KLHL18: variants seen among roughly 807,000 people sequenced by gnomAD.
KLHL18 encodes the protein kelch-like protein 18.
A neutral mutation model predicts 58.5 loss-of-function variants in KLHL18; 38 were observed. The ratio of observed to expected loss-of-function variants is 0.65; its 90% confidence interval spans 0.50 to 0.85. KLHL18 has a LOEUF of 0.85. Ranked by LOEUF, KLHL18 falls within the 40% of genes least tolerant of loss-of-function variation. KLHL18 has a pLI of 0.00. For missense variants in KLHL18, 624 were observed against 778.4 expected (o/e 0.80, Z 2.36); for synonymous variants, 303 against 301.9 (o/e 1.00, Z -0.04).
chr3:47,326,826 CAGG>C (rs1423244031), intron 3 of KLHL18, among the ~76,000 whole-genome samples: 1 of 151,646 alleles, frequency 6.6e-6, no homozygotes, highest in Non-Finnish European at 1.5e-5. Context: ...GAGGGTGAGG[CAGG>C]AGAATCGCTT....
Position 47,344,141 on chromosome 3 carries a change from C to A in KLHL18, c.*200C>A. 3.3e-6 allele frequency: 2 copies of A among 611,302 alleles called. No individual in the cohort carries two copies. The highest frequency in any genetic ancestry group is 2.8e-5 in the East Asian group (1 of 35,588). 37.9% of individuals were successfully genotyped at this position (611,302 alleles called of 1,614,324 possible). ...TTCAGGCTTGGGTCATCAAGATGCA[C>A]AGCATGGAACACAAGCTCCTCTGGA... On this transcript the variant is annotated 3_prime_UTR_variant, in exon 10 of 10. Transcript: ENST00000232766.
At position 47,323,874 on chromosome 3, in the gene KLHL18, C is replaced by T. The variant is rs1001471350; in HGVS notation, c.401+1166C>T. Among the ~76,000 whole-genome samples the T allele has an allele frequency of 2.6e-5, 4 of 152,310 alleles. No individual in the cohort carries two copies. In the South Asian group the frequency reaches 8.3e-4, roughly 32 times the overall value. ...CCTCCCCTATTCTCACTCCACCTATCCAGTTCAGTTAGCAGCTTATGGACC... is the reference window on the plus strand; with the variant it reads ...CCTCCCCTATTCTCACTCCACCTATTCAGTTCAGTTAGCAGCTTATGGACC... On this transcript the variant is annotated intron_variant, in intron 3 of 9. Transcript: ENST00000232766.
intron 4 of KLHL18, among the ~76,000 whole-genome samples, chr3:47,330,620 T>G (rs750574963): frequency 1.5e-4 from 23 of 152,106 alleles, no homozygotes; most frequent in Non-Finnish European, 3.1e-4. Context: ...TAAATAGCAT[T>G]CTGTTGATTT....
At chr3:47,318,825 C>T (rs1470528603) in intron 1 of KLHL18, among the ~76,000 whole-genome samples, 3 of 152,126 alleles carry the variant, frequency 2.0e-5, no homozygotes, top group Admixed American at 6.5e-5. Flanking sequence ...TCCAATGATT[C>T]GATCTTCCAA....
chr3:47,320,035 ATT>A (rs546913284), intron 2 of KLHL18, among the ~76,000 whole-genome samples: 43 of 139,452 alleles, frequency 3.1e-4, no homozygotes, highest in Non-Finnish European at 3.6e-4. Flanking sequence ...AGACTCCATG[ATT>A]TTTTTTTTTT....
intron 3 of KLHL18, among the ~76,000 whole-genome samples, chr3:47,326,738 G>C (rs1484878380): frequency 6.6e-6 from 1 of 151,990 alleles, no homozygotes; most frequent in East Asian, 1.9e-4. Context: ...GGCCAACATA[G>C]TGAAACCCCA....
rs1278871970 is a variant in KLHL18 at position 47,333,196 on chromosome 3, G to A, written c.640G>A (p.Glu214Lys). ...AALAWVRYDREQRGPYLPELL... is the reference protein window; with the variant it reads ...AALAWVRYDRKQRGPYLPELL... ...ATTGGCCTGGGTCAGATACGACCGG[G>A]AGCAGAGGGGTCCCTACCTGCCTGA... Residue 214 changes from glutamate to lysine, a missense_variant, in exon 5 of 10, where the codon GAG (glutamate) becomes AAG (lysine). Physicochemically the swap from Glu to Lys is moderately conservative, Grantham distance 56. Coordinates refer to ENST00000232766, the MANE Select transcript of KLHL18 (RefSeq NM_025010.5). 1 of 1,614,130 alleles carries A rather than the reference G, an allele frequency of 6.2e-7. No individual in the cohort carries two copies. The highest frequency in any genetic ancestry group is 1.7e-5 in the Admixed American group (1 of 60,004).
Position 47,334,851 on chromosome 3 carries a change from T to C in KLHL18, c.898+32T>C. On this transcript the variant is annotated intron_variant, in intron 6 of 9. Transcript: ENST00000232766. This position sits in a 1 kb window ranked among gnomAD's most constrained non-coding sequence, Gnocchi z 4.7. ...TGCGGCTCCCCTTTATAGACCCTCCTCTTGGACTCCATGGATGAGGAAGCA... is the reference window on the plus strand; with the variant it reads ...TGCGGCTCCCCTTTATAGACCCTCCCCTTGGACTCCATGGATGAGGAAGCA... 2 of 1,583,950 alleles carry C rather than the reference T, an allele frequency of 1.3e-6. No homozygotes were observed. The highest frequency in any genetic ancestry group is 1.7e-6 in the Non-Finnish European group (2 of 1,163,542).
In KLHL18 at chr3:47,308,258, A is replaced by T. The variant is rs555103203; in HGVS notation, c.130-11395A>T. On this transcript the variant is annotated intron_variant, in intron 1 of 9. Coordinates refer to ENST00000232766, the MANE Select transcript of KLHL18 (RefSeq NM_025010.5). ...GGTGCAGGCATTTATTTTTTTAAAA[A>T]TTTTAGATTTTTAGGGGGTACACGT... Among the ~76,000 whole-genome samples, 8 of 151,782 alleles carry T rather than the reference A, an allele frequency of 5.3e-5. No homozygotes were observed. The East Asian group carries it at 1.5e-3, about 29-fold the overall frequency.
chr3:47,335,134 G>T (rs1202032990), intron 6 of KLHL18, among the ~76,000 whole-genome samples: 2 of 152,156 alleles, frequency 1.3e-5, no homozygotes, highest in Non-Finnish European at 2.9e-5. Flanking sequence ...ACTAGAACTT[G>T]GGTGTTCTGA....
intron 7 of KLHL18, chr3:47,338,069 C>T (rs1704025798): frequency 6.6e-6 from 1 of 152,136 alleles, no homozygotes; most frequent in Admixed American, 6.5e-5. Context: ...TACAGGCTAC[C>T]TTAAAACGTT....
At chr3:47,341,243 C>T (rs1018248967) in intron 8 of KLHL18, among the ~76,000 whole-genome samples, 6 of 152,116 alleles carry the variant, frequency 3.9e-5, no homozygotes, top group South Asian at 2.1e-4. Flanking sequence ...AAGGTTAGCC[C>T]GAGTTTTTCA....
chr3:47,300,245 C>G (rs757123359), intron 1 of KLHL18, among the ~76,000 whole-genome samples: 2 of 147,430 alleles, frequency 1.4e-5, no homozygotes, highest in Admixed American at 6.9e-5. Context: ...AAAACCCTGA[C>G]TAATATGGGT....
chr3:47,291,188 C>G (rs1049826848), intron 1 of KLHL18, among the ~76,000 whole-genome samples: 1 of 152,232 alleles, frequency 6.6e-6, no homozygotes, highest in Non-Finnish European at 1.5e-5. Context: ...AGCTTGTAGG[C>G]TAGTTGATGG....
chr3:47,333,172 T>C lies in KLHL18; in HGVS notation c.616T>C (p.Leu206=). 6.2e-7 allele frequency: 1 copy of C among 1,613,676 alleles called. No homozygotes were observed. The highest frequency in any genetic ancestry group is 8.5e-7 in the Non-Finnish European group (1 of 1,179,780). The change falls in exon 5 of 10, where the codon TTG becomes CTG. Residue 206 remains leucine, a synonymous_variant. Transcript: ENST00000232766. ...CTCATGACAGGTCTTTGAAGCTGCA[T>C]TGGCCTGGGTCAGATACGACCGGGA... ...KSEEQVFEAA[L]AWVRYDREQR...
intron 3 of KLHL18, among the ~76,000 whole-genome samples, chr3:47,327,930 G>A (rs1232047893): frequency 3.9e-5 from 6 of 152,280 alleles, no homozygotes; most frequent in Admixed American, 1.3e-4. Flanking sequence ...AAGCATGCCC[G>A]GCCAATTTTT....
intron 3 of KLHL18, among the ~76,000 whole-genome samples, chr3:47,327,934 A>G (rs561817522): frequency 6.6e-6 from 1 of 152,350 alleles, no homozygotes; most frequent in East Asian, 1.9e-4. Context: ...ATGCCCGGCC[A>G]ATTTTTAATC....
chr3:47,311,073 G>C (rs1364080644), intron 1 of KLHL18, among the ~76,000 whole-genome samples: 1 of 151,444 alleles, frequency 6.6e-6, no homozygotes, highest in Non-Finnish European at 1.5e-5. Context: ...GCAGTGGCGC[G>C]ATCTTGGCTC....
chr3:47,290,503 C>T (rs1221573295), intron 1 of KLHL18, among the ~76,000 whole-genome samples: 1 of 151,940 alleles, frequency 6.6e-6, no homozygotes, highest in Non-Finnish European at 1.5e-5. Flanking sequence ...TCATCTCTTG[C>T]CCAGGCTGGA....
Sources: gnomAD v4.1 joint callset for allele counts (sites outside exome capture counted in the v4.1 genomes callset) on GRCh38, gnomAD v4.1.1 for gene constraint, Gnocchi (gnomAD v3.1) non-coding constraint, MANE v1.5 for transcripts, NCBI Gene and HGNC (gene_info 2026-07-23, HGNC 2026-07-21) for gene names.